The following MCOLN2 variants were observed in gnomAD, a reference collection of about 807,000 sequenced individuals.
MCOLN2 encodes the protein mucolipin TRP cation channel 2.
Under a neutral mutation model 67.5 loss-of-function variants are expected in MCOLN2, and 57 were observed. The observed-to-expected ratio is 0.84, with a 90% confidence interval of 0.68 to 1.05. The LOEUF (loss-of-function observed/expected upper bound fraction) is 1.05, where lower values mean the gene tolerates loss of function less well. Ranked by LOEUF, MCOLN2 falls within the 50% of genes least tolerant of loss-of-function variation. MCOLN2 has a pLI of 0.00. For missense variants in MCOLN2, 620 were observed against 678.8 expected (o/e 0.91, Z 0.96); for synonymous variants, 246 against 233.3 (o/e 1.05, Z -0.50).
intron 11 of MCOLN2, among the ~76,000 whole-genome samples, chr1:84,937,001 G>C (rs886903505): frequency 1.3e-5 from 2 of 152,210 alleles, no homozygotes; most frequent in African/African-American, 4.8e-5. Flanking sequence ...AGTGTTAGCT[G>C]CTGCTATTTT....
intron 1 of MCOLN2, among the ~76,000 whole-genome samples, chr1:84,985,130 C>T (rs930843546): frequency 2.0e-5 from 3 of 151,888 alleles, no homozygotes; most frequent in East Asian, 1.9e-4. Flanking sequence ...TCTGATGGAA[C>T]GAACCCAGCA....
chr1:84,986,162 C>T (rs560356459), intron 1 of MCOLN2, among the ~76,000 whole-genome samples: 239 of 152,224 alleles, frequency 1.6e-3, no homozygotes, highest in African/African-American at 4.3e-3. Flanking sequence ...AACTAATCTT[C>T]GACAAAGCAA....
intron 2 of MCOLN2, among the ~76,000 whole-genome samples, chr1:84,961,299 C>T (rs1472708991): frequency 6.6e-6 from 1 of 152,114 alleles, no homozygotes; most frequent in Non-Finnish European, 1.5e-5. Context: ...ATATTAGACC[C>T]ATTCCTCCCA....
chr1:84,938,625 G>C (rs376133010), intron 9 of MCOLN2, among the ~76,000 whole-genome samples: 2 of 152,280 alleles, frequency 1.3e-5, no homozygotes, highest in African/African-American at 4.8e-5. Context: ...CCACAGACAC[G>C]ACCCCAGAGC....
intron 11 of MCOLN2, 130 bp downstream of exon 11, chr1:84,937,625 T>A (rs1329391692): frequency 1.2e-5 from 17 of 1,461,890 alleles, no homozygotes; most frequent in Admixed American, 5.3e-5. Flanking sequence ...AGAAAACTGA[T>A]ACAAAGATAT....
chr1:84,960,245 C>T (rs1649012204), intron 2 of MCOLN2, among the ~76,000 whole-genome samples: 3 of 152,128 alleles, frequency 2.0e-5, no homozygotes, highest in Admixed American at 2.0e-4. Flanking sequence ...TTACCCCAAG[C>T]GGACTATGAA....
intron 2 of MCOLN2, among the ~76,000 whole-genome samples, chr1:84,965,168 T>C (rs536609): frequency 0.35 from 53,838 of 152,124 alleles, 9,920 homozygotes; most frequent in African/African-American, 0.43. Flanking sequence ...CACACTGTTA[T>C]GATAAAAGGA....
Position 84,995,728 on chromosome 1 carries a change from C to T in MCOLN2, c.77+1068G>A, listed in dbSNP as rs529924769. ...TTGACTTTCAGTTCTGTATTTCGTG[C>T]CCCTTTGCTCAAACTATGTCTCTCA... On this transcript the variant is annotated intron_variant, in intron 1 of 13. Transcript: ENST00000370608. Among the ~76,000 whole-genome samples, 84 of 152,138 alleles carry T rather than the reference C, an allele frequency of 5.5e-4. 1 individual carries two copies. Among genetic ancestry groups the T allele is most frequent in the African/African-American group, 2.0e-3 (84 of 41,500 alleles).
chr1:84,934,425 C>G (rs1647315295), intron 11 of MCOLN2, among the ~76,000 whole-genome samples: 1 of 152,124 alleles, frequency 6.6e-6, no homozygotes, highest in Non-Finnish European at 1.5e-5. Context: ...TTCAATGAAA[C>G]CATAACCTGC....
chr1:84,941,984 C>G (rs2102818221), intron 7 of MCOLN2, among the ~76,000 whole-genome samples: 1 of 152,286 alleles, frequency 6.6e-6, no homozygotes, highest in African/African-American at 2.4e-5. Context: ...TCTGCCTGAC[C>G]CCCACCTTCT....
At chr1:84,974,376 A>C (rs1232161851) in intron 1 of MCOLN2, among the ~76,000 whole-genome samples, 1 of 151,718 alleles carries the variant, frequency 6.6e-6, no homozygotes, top group Admixed American at 6.6e-5. Context: ...GCTCCAAAAA[A>C]GATCCCTTCC....
chr1:84,993,431 T>G (rs1411888026), intron 1 of MCOLN2, among the ~76,000 whole-genome samples: 1 of 152,226 alleles, frequency 6.6e-6, no homozygotes, highest in Non-Finnish European at 1.5e-5. Context: ...CCATGAGGGA[T>G]AAAATCAACT....
At chr1:84,935,989 A>G (rs1407498113) in intron 11 of MCOLN2, among the ~76,000 whole-genome samples, 1 of 152,208 alleles carries the variant, frequency 6.6e-6, no homozygotes, top group Non-Finnish European at 1.5e-5. Flanking sequence ...ATACCAAGAA[A>G]AGCTCTACAG....
intron 1 of MCOLN2, among the ~76,000 whole-genome samples, chr1:84,994,954 C>A (rs150991179): frequency 2.1e-3 from 319 of 152,264 alleles, no homozygotes; most frequent in African/African-American, 7.2e-3. Context: ...CACTTAGAGA[C>A]CACTGTAGGG....
rs528484789 is a variant in MCOLN2, at chr1:84,946,482, T to A, written c.847+551A>T. ...CTGAGTATGCCCTATCCAGAATGAT[T>A]TGGGACCAAAAGTATTTCAGATTTC... On this transcript the variant is annotated intron_variant, in intron 7 of 13. Coordinates refer to ENST00000370608, the MANE Select transcript of MCOLN2 (RefSeq NM_153259.4). Among the ~76,000 whole-genome samples, 89 of 152,300 alleles carry A rather than the reference T, an allele frequency of 5.8e-4. 1 individual carries two copies. In the South Asian group the frequency reaches 0.018, roughly 31 times the overall value.
At chr1:84,954,275 A>T (rs991626360) in intron 4 of MCOLN2, among the ~76,000 whole-genome samples, 3 of 152,228 alleles carry the variant, frequency 2.0e-5, no homozygotes, top group Non-Finnish European at 2.9e-5. Flanking sequence ...AGTTGCAGAG[A>T]GTGTGTCTCC....
chr1:84,941,046 C>T (rs780884606), intron 7 of MCOLN2, 55 bp from the exon 8 acceptor site: 1 of 1,193,054 alleles, frequency 8.4e-7, no homozygotes, highest in Non-Finnish European at 1.2e-6. Context: ...AGAATAATTT[C>T]CAAACAAAAT....
chr1:84,965,095 G>A (rs1649306580), intron 2 of MCOLN2, among the ~76,000 whole-genome samples: 1 of 152,098 alleles, frequency 6.6e-6, no homozygotes, highest in Non-Finnish European at 1.5e-5. Context: ...TTGAACAAAA[G>A]GTCTAAATGT....
rs1051712174 is a variant in MCOLN2, at chr1:84,997,111, T to C, written c.-239A>G. On this transcript the variant is annotated 5_prime_UTR_variant, in exon 1 of 14. Coordinates refer to ENST00000370608, the MANE Select transcript of MCOLN2 (RefSeq NM_153259.4). Reference sequence around the variant, plus strand: ...CTCGGGCGGCTGAAAGGCGGCTCTGTGTGCACCCTGCAGGATGCGGCGCGT... The same window carrying C: ...CTCGGGCGGCTGAAAGGCGGCTCTGCGTGCACCCTGCAGGATGCGGCGCGT... 4 of 522,166 alleles carry C rather than the reference T, an allele frequency of 7.7e-6. No individual in the cohort carries two copies. The highest frequency in any genetic ancestry group is 4.0e-5 in the African/African-American group (2 of 49,720). 32.3% of individuals were successfully genotyped at this position (522,166 alleles called of 1,614,324 possible).
Sources: allele counts gnomAD v4.1 joint callset (sites outside exome capture counted in the v4.1 genomes callset), GRCh38; gene constraint gnomAD v4.1.1; transcripts MANE v1.5; gene names NCBI Gene and HGNC (gene_info 2026-07-23, HGNC 2026-07-21).